TENM3: variants seen among roughly 807,000 people sequenced by gnomAD.
The protein encoded by TENM3 is teneurin-3.
A neutral mutation model predicts 255.1 loss-of-function variants in TENM3; 63 were observed. The observed-to-expected ratio is 0.25, with a 90% CI of 0.20 to 0.30. TENM3 has a LOEUF of 0.30. Ranked by LOEUF, TENM3 falls within the 10% of genes least tolerant of loss-of-function variation. The pLI, the probability that TENM3 is intolerant of heterozygous loss-of-function variation, is 1.00. For missense variants in TENM3, 2,929 were observed against 3,461.1 expected (o/e 0.85, Z 3.86); for synonymous variants, 1,306 against 1,322.3 (o/e 0.99, Z 0.27).
chr4:181,871,475 A>G, the TENM3 span, among the ~76,000 whole-genome samples: 2 of 151,988 alleles, frequency 1.3e-5, no homozygotes, highest in African/African-American at 4.8e-5. Flanking sequence ...TCCTTTGAAT[A>G]TTTATGTAAA....
At chr4:181,994,947 A>G in the TENM3 span, among the ~76,000 whole-genome samples, 3 of 152,162 alleles carry the variant, frequency 2.0e-5, no homozygotes, top group African/African-American at 7.2e-5. Flanking sequence ...ATTACGATTC[A>G]TTGGAATTGA....
intron 3 of TENM3, among the ~76,000 whole-genome samples, chr4:182,528,972 T>C (rs1382142864): frequency 6.6e-6 from 1 of 152,270 alleles, no homozygotes; most frequent in East Asian, 1.9e-4. Context: ...GTATTTACTC[T>C]GTACCTTAAG....
the TENM3 span, among the ~76,000 whole-genome samples, chr4:181,692,671 GA>G: frequency 2.9e-4 from 44 of 152,266 alleles, no homozygotes; most frequent in African/African-American, 9.9e-4. Flanking sequence ...AGCATACTAT[GA>G]GAGTAATACC....
intron 5 of TENM3, among the ~76,000 whole-genome samples, chr4:182,629,631 A>G (rs562665818): frequency 6.6e-6 from 1 of 152,288 alleles, no homozygotes; most frequent in East Asian, 1.9e-4. Flanking sequence ...AAGGCCTACC[A>G]CATTGAAATG....
At chr4:182,502,776 C>T (rs548187773) in intron 3 of TENM3, among the ~76,000 whole-genome samples, 5 of 152,086 alleles carry the variant, frequency 3.3e-5, no homozygotes, top group East Asian at 3.9e-4. Context: ...TTTCTTTCCT[C>T]ATATGTCAGA....
the TENM3 span, among the ~76,000 whole-genome samples, chr4:181,859,267 T>A: frequency 0.56 from 71,592 of 127,300 alleles, 21,482 homozygotes; most frequent in Non-Finnish European, 0.67. Flanking sequence ...AAAAAAAAAA[T>A]CCCTCATTTT....
intron 1 of TENM3, among the ~76,000 whole-genome samples, chr4:182,299,283 CA>C (rs1271419990): frequency 7.9e-5 from 12 of 152,000 alleles, no homozygotes; most frequent in African/African-American, 2.9e-4. Flanking sequence ...ATTTATAATT[CA>C]AAGAGTCTTT....
At chr4:182,187,538 C>A (rs1186554447) in intron 1 of TENM3, among the ~76,000 whole-genome samples, 1 of 152,034 alleles carries the variant, frequency 6.6e-6, no homozygotes, top group Non-Finnish European at 1.5e-5. Context: ...ACCTTTGTGC[C>A]CCCCTCCCAC....
At chr4:181,868,829 T>G in the TENM3 span, among the ~76,000 whole-genome samples, 4 of 152,162 alleles carry the variant, frequency 2.6e-5, no homozygotes, top group Non-Finnish European at 5.9e-5. Context: ...AGGGTCGCAT[T>G]TCTTTATTTC....
the TENM3 span, among the ~76,000 whole-genome samples, chr4:181,488,065 G>T: frequency 6.6e-6 from 1 of 152,224 alleles, no homozygotes; most frequent in South Asian, 2.1e-4. Flanking sequence ...CTAGAGGGAA[G>T]GTTGTAGAAC....
chr4:182,133,794 C>A, the TENM3 span, among the ~76,000 whole-genome samples: 1 of 152,138 alleles, frequency 6.6e-6, no homozygotes, highest in Non-Finnish European at 1.5e-5. Context: ...AATTCAATGA[C>A]AGTTTTTTGC....
the TENM3 span, among the ~76,000 whole-genome samples, chr4:181,884,418 T>C: frequency 6.6e-6 from 1 of 152,190 alleles, no homozygotes; most frequent in Non-Finnish European, 1.5e-5. Context: ...AACATTTTCA[T>C]CATCCCAGAT....
intron 1 of TENM3, among the ~76,000 whole-genome samples, chr4:182,307,938 G>A (rs1267810465): frequency 6.6e-6 from 1 of 152,204 alleles, no homozygotes; most frequent in Non-Finnish European, 1.5e-5. Context: ...TGTGCCTGCT[G>A]GAACATTCTT....
chr4:182,575,634 C>T (rs181925644), intron 3 of TENM3, among the ~76,000 whole-genome samples: 1 of 152,270 alleles, frequency 6.6e-6, no homozygotes, highest in East Asian at 1.9e-4. Context: ...TTTCTGTCCT[C>T]ATGATTTTCT....
the TENM3 span, among the ~76,000 whole-genome samples, chr4:181,527,515 C>T: frequency 6.6e-6 from 1 of 151,928 alleles, no homozygotes; most frequent in Admixed American, 6.6e-5. Flanking sequence ...ATTACAGGCA[C>T]AAGCCACCAC....
chr4:182,396,737 G>A (rs192666371), intron 3 of TENM3, among the ~76,000 whole-genome samples: 11 of 152,268 alleles, frequency 7.2e-5, no homozygotes, highest in African/African-American at 2.6e-4. Flanking sequence ...TGAGGCGGGT[G>A]GATCGCCTGA....
chr4:182,043,559 A>C, the TENM3 span, among the ~76,000 whole-genome samples: 3 of 152,192 alleles, frequency 2.0e-5, no homozygotes, highest in African/African-American at 7.2e-5. Context: ...TTCAAATGTG[A>C]ATCATTACAC....
chr4:182,787,265 A>T (rs1036733238), intron 24 of TENM3, among the ~76,000 whole-genome samples: 5 of 152,184 alleles, frequency 3.3e-5, no homozygotes, highest in Non-Finnish European at 7.3e-5. Flanking sequence ...CTCTTTATTT[A>T]CAGATGGACA....
At chr4:181,812,540 G>T in the TENM3 span, among the ~76,000 whole-genome samples, 10 of 152,320 alleles carry the variant, frequency 6.6e-5, no homozygotes, top group African/African-American at 2.4e-4. Context: ...AGACTGAGAG[G>T]ATTCTAGGAG....
Sources: allele counts gnomAD v4.1 joint callset (sites outside exome capture counted in the v4.1 genomes callset), GRCh38; gene constraint gnomAD v4.1.1; transcripts MANE v1.5; gene names NCBI Gene and HGNC (gene_info 2026-07-23, HGNC 2026-07-21).